SEMA5A: variants seen among roughly 807,000 people sequenced by gnomAD.
SEMA5A encodes semaphorin-5A.
In SEMA5A, 55 loss-of-function variants were observed where a neutral mutation model predicts 135.5. The ratio of observed to expected loss-of-function variants is 0.41; its 90% CI spans 0.33 to 0.51. SEMA5A has a LOEUF of 0.51. Ranked by LOEUF, SEMA5A falls within the 20% of genes least tolerant of loss-of-function variation. The pLI, the probability that SEMA5A is intolerant of heterozygous loss-of-function variation, is 0.37. For missense variants in SEMA5A, 1,290 were observed against 1,419.9 expected (o/e 0.91, Z 1.47); for synonymous variants, 580 against 546.5 (o/e 1.06, Z -0.85).
rs3834271 is a variant in SEMA5A, at chr5:9,043,030, T to TAAA, written c.3106-17_3106-15dup. 44 of 1,409,720 alleles carry TAAA rather than the reference T, an allele frequency of 3.1e-5. No homozygotes were observed. The highest frequency in any genetic ancestry group is 5.1e-5 in the South Asian group (4 of 78,308). The allele number at this position is 1,409,720 out of a possible 1,614,324, so 87.3% of individuals were successfully genotyped here. A position where few individuals can be genotyped will look rare whatever the true frequency, so the allele number is the denominator to read the frequency against. ...TTTGTTAAATGCCTGGAAAATATATTAAAAAAAAACAGGTTTAAGAATGCT... is the reference window on the plus strand; with the variant it reads ...TTTGTTAAATGCCTGGAAAATATATTAAAAAAAAAAAACAGGTTTAAGAATGCT... On this transcript the variant is annotated splice_polypyrimidine_tract_variant and intron_variant, in intron 22 of 22. Coordinates refer to ENST00000382496, the MANE Select transcript of SEMA5A (RefSeq NM_003966.3).
intron 16 of SEMA5A, among the ~76,000 whole-genome samples, chr5:9,075,901 T>C (rs1470248098): frequency 6.6e-6 from 1 of 152,152 alleles, no homozygotes; most frequent in Non-Finnish European, 1.5e-5. Context: ...GTGGCTTCTT[T>C]GCTATTTAGA....
rs149539082 is a variant in SEMA5A at position 9,143,908 on chromosome 5, G to A, written c.1482-7287C>T. The stretch of plus-strand genomic sequence containing the variant: ...TGCCTCCAGGACAAAGCCAAGAAAG[G>A]CAGCCTCTTCCATGGCTAGGATTGT... On this transcript the variant is annotated intron_variant, in intron 12 of 22. Transcript: ENST00000382496. Among the ~76,000 whole-genome samples, 56 of 152,272 alleles carry A rather than the reference G, an allele frequency of 3.7e-4. 1 individual carries two copies. In the East Asian group the frequency reaches 0.01, roughly 28 times the overall value.
At chr5:9,118,686 C>T (rs192381356) in intron 15 of SEMA5A, among the ~76,000 whole-genome samples, 6 of 152,136 alleles carry the variant, frequency 3.9e-5, no homozygotes, top group African/African-American at 1.4e-4. Flanking sequence ...GAGTAAGTCT[C>T]CTGCAGACGT....
intron 2 of SEMA5A, among the ~76,000 whole-genome samples, chr5:9,411,408 C>A (rs1057085889): frequency 6.6e-6 from 1 of 152,200 alleles, no homozygotes. Flanking sequence ...AACGTGCATG[C>A]TGCCTGAAGT....
chr5:9,435,336 A>G (rs1757991923), intron 2 of SEMA5A, among the ~76,000 whole-genome samples: 2 of 152,198 alleles, frequency 1.3e-5, no homozygotes, highest in South Asian at 4.1e-4. Flanking sequence ...TTATTTCATA[A>G]ATGAGTTATA....
intron 8 of SEMA5A, among the ~76,000 whole-genome samples, chr5:9,218,223 T>A (rs894393543): frequency 2.0e-5 from 3 of 152,172 alleles, no homozygotes; most frequent in East Asian, 1.9e-4. Context: ...AAATATTTTT[T>A]AAAAAAAGAG....
At chr5:9,120,441 T>C (rs1740751758) in intron 14 of SEMA5A, among the ~76,000 whole-genome samples, 1 of 152,076 alleles carries the variant, frequency 6.6e-6, no homozygotes, top group Admixed American at 6.5e-5. Flanking sequence ...ACCTAATGAT[T>C]TAATAAAATA....
chr5:9,042,788 C>T lies in SEMA5A; in HGVS notation c.*109G>A. The T allele has an allele frequency of 1.4e-6, 2 of 1,394,706 alleles. No homozygotes were observed. Among genetic ancestry groups the T allele is most frequent in the Non-Finnish European group, 2.0e-6 (2 of 999,910 alleles). The allele number at this position is 1,394,706 out of a possible 1,614,324, so 86.4% of individuals were successfully genotyped here. A position where few individuals can be genotyped will look rare whatever the true frequency, so the allele number is the denominator to read the frequency against. On this transcript the variant is annotated 3_prime_UTR_variant, in exon 23 of 23. Coordinates refer to ENST00000382496, the MANE Select transcript of SEMA5A (RefSeq NM_003966.3). ...GGACACTCTGGTGGCTTGAAATGCA[C>T]TTGAAATGTATCCAAACTTCGACTC...
At chr5:9,381,942 TTGTGTGTGTG>T (rs148157627) in intron 2 of SEMA5A, among the ~76,000 whole-genome samples, 1 of 109,304 alleles carries the variant, frequency 9.1e-6, no homozygotes, top group South Asian at 4.2e-4. Flanking sequence ...TAGAATCATT[TTGTGTGTGTG>T]TGTGTGTGTG....
intron 16 of SEMA5A, among the ~76,000 whole-genome samples, chr5:9,077,306 A>C (rs1489740017): frequency 6.6e-6 from 1 of 152,198 alleles, no homozygotes; most frequent in Non-Finnish European, 1.5e-5. Flanking sequence ...GAAGGGGAAA[A>C]GAATCGATAT....
chr5:9,359,881 G>A (rs1047142959), intron 3 of SEMA5A, among the ~76,000 whole-genome samples: 18 of 152,176 alleles, frequency 1.2e-4, no homozygotes, highest in African/African-American at 4.3e-4. Flanking sequence ...GAATGACCTA[G>A]AATTCAGAAC....
chr5:9,404,736 T>C (rs774725890), intron 2 of SEMA5A, among the ~76,000 whole-genome samples: 2 of 152,230 alleles, frequency 1.3e-5, no homozygotes, highest in Non-Finnish European at 2.9e-5. Flanking sequence ...TTAGACTAAC[T>C]TCTGATAGCT....
intron 1 of SEMA5A, among the ~76,000 whole-genome samples, chr5:9,451,265 T>C (rs147857811): frequency 9.9e-5 from 15 of 152,266 alleles, no homozygotes; most frequent in African/African-American, 3.4e-4. Context: ...AACCATCCTA[T>C]CATTACAGCA....
At chr5:9,479,766 T>C (rs576012388) in intron 1 of SEMA5A, among the ~76,000 whole-genome samples, 232 of 152,312 alleles carry the variant, frequency 1.5e-3, no homozygotes, top group African/African-American at 5.3e-3. Context: ...ACCTGTTCGC[T>C]GGAGAGGCAC....
At position 9,159,687 on chromosome 5, in the gene SEMA5A, C is replaced by T. The variant is rs1441403067; in HGVS notation, c.1274-4992G>A. ...GAACCAGAAATACCATTTGACCCAG[C>T]AATCCCATTAATGGGTATATACTCA... is the stretch of plus-strand genomic sequence containing the variant. On this transcript the variant is annotated intron_variant, in intron 11 of 22. Coordinates refer to ENST00000382496, the MANE Select transcript of SEMA5A (RefSeq NM_003966.3). Among the ~76,000 whole-genome samples the T allele has an allele frequency of 2.0e-5, 3 of 152,180 alleles. No individual in the cohort carries two copies. The East Asian group carries it at 5.8e-4, about 29-fold the overall frequency.
chr5:9,042,947 T>A lies in SEMA5A; in HGVS notation c.3175A>T (p.Thr1059Ser). ...KYFNPHLTGK[T>S]YSNAYFTDLN... ...TCTGTAAAGTAGGCATTAGAATAGG[T>A]CTTCCCAGTGAGATGTGGGTTGAAG... is the stretch of plus-strand genomic sequence containing the variant. The change falls in exon 23 of 23, where the codon ACC (threonine) becomes TCC (serine). Residue 1059 changes from threonine to serine, a missense_variant. This residue lies in a region of SEMA5A where 1,029 missense variants were observed against 1,086.6 expected (regional missense o/e 0.95). Transcript: ENST00000382496. The A allele has an allele frequency of 6.2e-7, 1 of 1,613,374 alleles. No individual in the cohort carries two copies. The highest frequency in any genetic ancestry group is 8.5e-7 in the Non-Finnish European group (1 of 1,179,362).
At chr5:9,463,666 G>A (rs761801750) in intron 1 of SEMA5A, among the ~76,000 whole-genome samples, 10 of 152,198 alleles carry the variant, frequency 6.6e-5, no homozygotes, top group Non-Finnish European at 1.0e-4. Flanking sequence ...TGCTGCCAAC[G>A]TGGGGCTTTC....
chr5:9,394,315 A>G (rs1424599647), intron 2 of SEMA5A, among the ~76,000 whole-genome samples: 1 of 152,126 alleles, frequency 6.6e-6, no homozygotes, highest in African/African-American at 2.4e-5. Flanking sequence ...AGCTCCCCCA[A>G]GAGTGGTAAC....
chr5:9,361,736 A>C (rs1754704561), intron 3 of SEMA5A, among the ~76,000 whole-genome samples: 1 of 152,164 alleles, frequency 6.6e-6, no homozygotes, highest in African/African-American at 2.4e-5. Flanking sequence ...CTCTTTAAAC[A>C]CTTTCAAGTC....
Sources: allele counts gnomAD v4.1 joint callset (sites outside exome capture counted in the v4.1 genomes callset), GRCh38; gene constraint gnomAD v4.1.1; regional missense constraint gnomAD v4.1.1; transcripts MANE v1.5; gene names NCBI Gene and HGNC (gene_info 2026-07-23, HGNC 2026-07-21).